Variants in RUNX1 observed in about 807,000 individuals in gnomAD.
The protein encoded by RUNX1 is runt-related transcription factor 1.
In RUNX1, 19 loss-of-function variants were observed where a neutral mutation model predicts 42.8. The observed-to-expected ratio is 0.44, with a 90% CI of 0.31 to 0.65. The LOEUF (loss-of-function observed/expected upper bound fraction) is 0.65, where lower values mean the gene tolerates loss of function less well. Ranked by LOEUF, RUNX1 falls within the 30% of genes least tolerant of loss-of-function variation. The pLI, the probability that RUNX1 is intolerant of heterozygous loss-of-function variation, is 0.07. For missense variants in RUNX1, 528 were observed against 672.0 expected (o/e 0.79, Z 2.37); for synonymous variants, 271 against 289.4 (o/e 0.94, Z 0.64).
chr21:34,878,141 T>C (rs1011071286), intron 5 of RUNX1, among the ~76,000 whole-genome samples: 23 of 148,552 alleles, frequency 1.5e-4, no homozygotes, highest in African/African-American at 4.0e-4. Flanking sequence ...CAGAATGATC[T>C]GCTCTCTTCC....
intron 5 of RUNX1, among the ~76,000 whole-genome samples, chr21:34,862,543 G>C (rs921276558): frequency 6.6e-6 from 1 of 152,186 alleles, no homozygotes; most frequent in Non-Finnish European, 1.5e-5. Context: ...GCTCTAGGGA[G>C]GATCCTTGCC....
At chr21:34,998,838 G>A (rs957125211) in intron 2 of RUNX1, among the ~76,000 whole-genome samples, 5 of 152,170 alleles carry the variant, frequency 3.3e-5, no homozygotes, top group Admixed American at 6.5e-5. Flanking sequence ...ACCGTGCCCG[G>A]CCTCTTTTTT....
At chr21:34,950,955 A>C (rs1479117156) in intron 2 of RUNX1, among the ~76,000 whole-genome samples, 3 of 152,370 alleles carry the variant, frequency 2.0e-5, no homozygotes, top group South Asian at 4.1e-4. Flanking sequence ...CTTTATTGAC[A>C]TTTAGTGAAC....
intron 2 of RUNX1, among the ~76,000 whole-genome samples, chr21:34,998,758 G>C (rs141335399): frequency 2.6e-5 from 4 of 152,128 alleles, no homozygotes; most frequent in African/African-American, 9.7e-5. Flanking sequence ...AGCCAGGATG[G>C]TCTCAGTCTC....
chr21:34,854,176 C>G (rs1488811638), intron 6 of RUNX1, among the ~76,000 whole-genome samples: 1 of 152,130 alleles, frequency 6.6e-6, no homozygotes, highest in Non-Finnish European at 1.5e-5. Flanking sequence ...TATAAAGATC[C>G]TATTTCTCAT....
intron 2 of RUNX1, among the ~76,000 whole-genome samples, chr21:34,914,590 G>C (rs2058297468): frequency 6.6e-6 from 1 of 152,154 alleles, no homozygotes; most frequent in Non-Finnish European, 1.5e-5. Flanking sequence ...TTGGGCGTAT[G>C]GGAGAAGGAA....
rs1286916779 is a variant in RUNX1, at chr21:34,890,430, T to TGG, written c.97+2493_97+2494dup. ...CAATATAGAGTCGCAGCCGGCCAGG[T>TGG]GGGGACTCTCGGACCAGGCCTCCCC... On this transcript the variant is annotated intron_variant, in intron 3 of 8. Transcript: ENST00000675419. Among the ~76,000 whole-genome samples the TGG allele has an allele frequency of 2.0e-4, 30 of 152,240 alleles. No individual in the cohort carries two copies. In the East Asian group the frequency reaches 5.8e-3, roughly 30 times the overall value.
chr21:35,026,765 C>CGCAGAAAGCAACAGCCA (rs1337435408), intron 2 of RUNX1, among the ~76,000 whole-genome samples: 1 of 152,158 alleles, frequency 6.6e-6, no homozygotes, highest in Admixed American at 6.5e-5. Flanking sequence ...GAAAGAGCGA[C>CGCAGAAAGCAACAGCCA]GCAGAAAGCA....
At chr21:35,048,708 T>G (rs1436775213) in intron 2 of RUNX1, 134 bp downstream of exon 2, 16 of 790,574 alleles carry the variant, frequency 2.0e-5, no homozygotes, top group Admixed American at 3.4e-5. Context: ...ATGCCTCAGT[T>G]TGAATTCCTC....
At chr21:34,830,059 G>A (rs1286847634) in intron 7 of RUNX1, 4 of 152,192 alleles carry the variant, frequency 2.6e-5, no homozygotes, top group Admixed American at 6.5e-5. Context: ...AATTTTGGGG[G>A]AAAATAATTA....
intron 2 of RUNX1, among the ~76,000 whole-genome samples, chr21:34,962,002 C>T (rs1015365610): frequency 2.0e-5 from 3 of 152,234 alleles, no homozygotes; most frequent in Middle Eastern, 6.8e-3. Flanking sequence ...AAGTGATCCT[C>T]CCATTTCAGC....
chr21:34,885,258 T>C (rs1418608293), intron 4 of RUNX1, among the ~76,000 whole-genome samples: 1 of 152,182 alleles, frequency 6.6e-6, no homozygotes, highest in Non-Finnish European at 1.5e-5. Flanking sequence ...CCGTCTTGCC[T>C]CTGCTCTTTA....
At chr21:34,892,086 T>C (rs2058086746) in intron 3 of RUNX1, among the ~76,000 whole-genome samples, 1 of 152,208 alleles carries the variant, frequency 6.6e-6, no homozygotes, top group South Asian at 2.1e-4. Context: ...ATTTCCAAAA[T>C]CACATTTGTA....
chr21:34,847,638 G>A (rs2057336534), intron 6 of RUNX1, among the ~76,000 whole-genome samples: 1 of 152,098 alleles, frequency 6.6e-6, no homozygotes, highest in African/African-American at 2.4e-5. Flanking sequence ...ATGACCCAGG[G>A]GAAGCTTCTA....
At chr21:35,008,777 A>G (rs1230133796) in intron 2 of RUNX1, among the ~76,000 whole-genome samples, 1 of 152,190 alleles carries the variant, frequency 6.6e-6, no homozygotes, top group East Asian at 1.9e-4. Context: ...CGGTGCTTCT[A>G]ACCATACTGA....
At chr21:35,039,706 T>A (rs1473005533) in intron 2 of RUNX1, among the ~76,000 whole-genome samples, 2 of 152,204 alleles carry the variant, frequency 1.3e-5, no homozygotes, top group Admixed American at 6.5e-5. Context: ...TTTAAAAAAA[T>A]GAAGTAATGA....
intron 4 of RUNX1, among the ~76,000 whole-genome samples, chr21:34,880,996 A>G (rs974842186): frequency 6.6e-6 from 1 of 152,246 alleles, no homozygotes; most frequent in African/African-American, 2.4e-5. Context: ...ATTATGTATA[A>G]CTATATGTAA....
At chr21:34,883,975 T>A (rs1030358566) in intron 4 of RUNX1, among the ~76,000 whole-genome samples, 6 of 152,340 alleles carry the variant, frequency 3.9e-5, no homozygotes, top group Admixed American at 6.5e-5. Flanking sequence ...AATATTACCA[T>A]CAGAATCCAA....
intron 2 of RUNX1, among the ~76,000 whole-genome samples, chr21:34,914,778 CCATTCTGCAACTT>C (rs1466179235): frequency 6.6e-6 from 1 of 152,170 alleles, no homozygotes; most frequent in African/African-American, 2.4e-5. Context: ...CTTCACAGCC[CCATTCTGCAACTT>C]GGCCTTGAGC....
Sources: allele counts gnomAD v4.1 joint callset (sites outside exome capture counted in the v4.1 genomes callset), GRCh38; gene constraint gnomAD v4.1.1; transcripts MANE v1.5; gene names NCBI Gene and HGNC (gene_info 2026-07-23, HGNC 2026-07-21).